The following EFCAB5 variants were observed in gnomAD, a reference collection of about 807,000 sequenced individuals.
EFCAB5 encodes the protein EF-hand calcium binding domain 5, also known as EF-hand calcium-binding domain-containing protein 5.
A neutral mutation model predicts 167.9 loss-of-function variants in EFCAB5; 131 were observed. The ratio of observed to expected loss-of-function variants is 0.78; its 90% CI spans 0.68 to 0.90. The LOEUF is 0.90. EFCAB5 is among the 40% of genes least tolerant of loss of function. The pLI is 0.00. For synonymous variants in EFCAB5, 574 were observed against 602.8 expected (o/e 0.95, Z 0.70); for missense variants, 1,663 against 1,745.2 (o/e 0.95, Z 0.84).
At chr17:30,073,917 T>C (rs2070809974) in intron 14 of EFCAB5, 3 of 270,228 alleles carry the variant, frequency 1.1e-5, no homozygotes, top group Non-Finnish European at 7.0e-6. Context: ...ATAAAAGATA[T>C]AGAACAAAAA....
chr17:30,009,912 T>C (rs1321208526), intron 7 of EFCAB5, among the ~76,000 whole-genome samples: 2 of 152,184 alleles, frequency 1.3e-5, no homozygotes, highest in Non-Finnish European at 2.9e-5. Context: ...GCTGCACCCA[T>C]TAACTCGTCA....
chr17:30,098,953 G>T (rs1261304963), intron 22 of EFCAB5, among the ~76,000 whole-genome samples: 1 of 152,146 alleles, frequency 6.6e-6, no homozygotes, highest in Non-Finnish European at 1.5e-5. Context: ...ATGTTTTCAA[G>T]GTCCATCTAT....
intron 4 of EFCAB5, among the ~76,000 whole-genome samples, chr17:29,980,255 G>A (rs1466776429): frequency 6.6e-6 from 1 of 152,108 alleles, no homozygotes; most frequent in African/African-American, 2.4e-5. Flanking sequence ...AGTTCTCAGT[G>A]GTGAGCTATA....
intron 7 of EFCAB5, among the ~76,000 whole-genome samples, chr17:30,021,039 A>G (rs1341618061): frequency 6.6e-6 from 1 of 152,176 alleles, no homozygotes; most frequent in Non-Finnish European, 1.5e-5. Flanking sequence ...GTAGCTGGAC[A>G]GATGTAGGAA....
At chr17:29,962,482 T>A (rs887091421) in intron 3 of EFCAB5, among the ~76,000 whole-genome samples, 1 of 152,078 alleles carries the variant, frequency 6.6e-6, no homozygotes, top group African/African-American at 2.4e-5. Context: ...CTGTTTTTAT[T>A]TTTTTAGAGA....
chr17:29,974,523 C>T (rs1182956152), intron 4 of EFCAB5, among the ~76,000 whole-genome samples: 1 of 147,590 alleles, frequency 6.8e-6, no homozygotes, highest in African/African-American at 2.5e-5. Flanking sequence ...TCTTGGGTGA[C>T]AGAGCAAGAC....
chr17:29,962,623 C>G (rs1171116838), intron 3 of EFCAB5, among the ~76,000 whole-genome samples: 2 of 143,474 alleles, frequency 1.4e-5, no homozygotes, highest in African/African-American at 5.2e-5. Flanking sequence ...TACGTGCCAC[C>G]ATGCCTGGCT....
chr17:30,069,742 G>C, intron 14 of EFCAB5: 1 of 790,564 alleles, frequency 1.3e-6, no homozygotes, highest in Admixed American at 2.5e-5. Flanking sequence ...AGCATGGTAT[G>C]ACCACATTTT....
intron 6 of EFCAB5, among the ~76,000 whole-genome samples, chr17:29,998,328 A>G (rs1250131331): frequency 2.0e-5 from 3 of 152,236 alleles, no homozygotes; most frequent in East Asian, 1.9e-4. Context: ...ATAAAATTAC[A>G]GAAATTCCAG....
intron 14 of EFCAB5, among the ~76,000 whole-genome samples, chr17:30,060,532 A>G (rs1372704731): frequency 6.6e-6 from 1 of 152,200 alleles, no homozygotes; most frequent in Admixed American, 6.5e-5. Context: ...ACTTTGGTGT[A>G]CCAGATTTTC....
chr17:30,053,930 T>A lies in EFCAB5; in HGVS notation c.1976T>A (p.Ile659Lys). Reference sequence around the variant, plus strand: ...TCAGAACAAGGACCTTATGGAGAGATAATTTCAGAAGAGCAAGAAGACATA... The same window carrying A: ...TCAGAACAAGGACCTTATGGAGAGAAAATTTCAGAAGAGCAAGAAGACATA... The part of the protein sequence containing the change: ...QKSEQGPYGE[I>K]ISEEQEDIGS... Residue 659 changes from isoleucine (I) to lysine (K), a missense_variant, in exon 10 of 23, where the codon ATA (isoleucine) becomes AAA (lysine). Ile to Lys is a moderately radical substitution (Grantham distance 102, BLOSUM62 -3). Transcript: ENST00000394835. 1 of 1,613,972 alleles carries A rather than the reference T, an allele frequency of 6.2e-7. No homozygotes were observed.
chr17:30,025,861 C>T (rs1190435066), intron 7 of EFCAB5, among the ~76,000 whole-genome samples: 2 of 152,108 alleles, frequency 1.3e-5, no homozygotes, highest in African/African-American at 2.4e-5. Context: ...GAGTTCACGT[C>T]CTTTGTAGGG....
At chr17:30,010,690 A>G (rs999613344) in intron 7 of EFCAB5, among the ~76,000 whole-genome samples, 1 of 152,104 alleles carries the variant, frequency 6.6e-6, no homozygotes, top group Non-Finnish European at 1.5e-5. Flanking sequence ...AGTTTTTTGT[A>G]GATTCTGGAT....
intron 19 of EFCAB5, among the ~76,000 whole-genome samples, chr17:30,087,706 G>T (rs1021987405): frequency 2.6e-5 from 4 of 152,076 alleles, no homozygotes; most frequent in African/African-American, 9.7e-5. Flanking sequence ...ATGGGCATTT[G>T]GGTTGATTCC....
chr17:29,978,884 G>T (rs1370488666), intron 4 of EFCAB5, among the ~76,000 whole-genome samples: 2 of 152,186 alleles, frequency 1.3e-5, no homozygotes, highest in African/African-American at 4.8e-5. Flanking sequence ...AATTGCTTTG[G>T]TTTTTACATC....
intron 4 of EFCAB5, among the ~76,000 whole-genome samples, chr17:29,974,888 T>C (rs150941387): frequency 2.6e-4 from 40 of 152,200 alleles, no homozygotes; most frequent in African/African-American, 9.2e-4. Flanking sequence ...TATTCATCTT[T>C]TGATTTTAAA....
chr17:30,091,993 G>A lies in EFCAB5; in HGVS notation c.4060G>A (p.Asp1354Asn). Residue 1354 changes from aspartate (D) to asparagine (N), a missense_variant, in exon 21 of 23, where the codon GAC (aspartate) becomes AAC (asparagine). Transcript: ENST00000394835. The stretch of plus-strand genomic sequence containing the variant: ...GGAATTTGTGTCACTGTTGCTCTAT[G>A]ACCATACTCTTGTAACAGAGCCAAA... ...SMEFVSLLLY[D>N]HTLVTEPNSP... The A allele has an allele frequency of 6.2e-7, 1 of 1,613,928 alleles. No homozygotes were observed. Among genetic ancestry groups the A allele is most frequent in the Non-Finnish European group, 8.5e-7 (1 of 1,179,878 alleles).
intron 7 of EFCAB5, among the ~76,000 whole-genome samples, chr17:30,015,320 A>G (rs1009210496): frequency 2.0e-5 from 3 of 152,036 alleles, no homozygotes; most frequent in Non-Finnish European, 4.4e-5. Flanking sequence ...TGTTCTCTGT[A>G]TTTCCTGAAT....
intron 7 of EFCAB5, among the ~76,000 whole-genome samples, chr17:30,016,626 A>G (rs2151695996): frequency 6.6e-6 from 1 of 152,330 alleles, no homozygotes; most frequent in South Asian, 2.1e-4. Flanking sequence ...AGATTGCCTT[A>G]TAAGTTCCAA....
Sources: gnomAD v4.1 joint callset for allele counts (sites outside exome capture counted in the v4.1 genomes callset) on GRCh38, gnomAD v4.1.1 for gene constraint, MANE v1.5 for transcripts, NCBI Gene and HGNC (gene_info 2026-07-23, HGNC 2026-07-21) for gene names.